The following TAFA4 variants were observed in gnomAD, a reference collection of about 807,000 sequenced individuals.
TAFA4 encodes TAFA chemokine like family member 4.
Under a neutral mutation model 21.1 loss-of-function variants are expected in TAFA4, and 20 were observed. That is an observed-to-expected ratio of 0.95 (90% CI 0.67 to 1.38). TAFA4 has a LOEUF of 1.38. TAFA4 is among the 40% of genes most tolerant of loss of function. TAFA4 has a pLI of 0.00. For synonymous variants in TAFA4, 71 were observed against 67.4 expected (o/e 1.05, Z -0.26); for missense variants, 211 against 180.9 (o/e 1.17, Z -0.95).
intron 3 of TAFA4, among the ~76,000 whole-genome samples, chr3:68,826,416 C>A (rs2071385558): frequency 6.6e-6 from 1 of 151,770 alleles, no homozygotes; most frequent in South Asian, 2.1e-4. Flanking sequence ...ACTAAAAATA[C>A]AAAAAAATTG....
At position 68,866,802 on chromosome 3, in the gene TAFA4, A is replaced by G. The variant is rs151007355; in HGVS notation, c.130+13928T>C. Among the ~76,000 whole-genome samples, 554 of 152,012 alleles carry G rather than the reference A, an allele frequency of 3.6e-3. 3 individuals carry two copies. The highest frequency in any genetic ancestry group is 0.013 in the African/African-American group (538 of 41,540). ...CCACAAAATGCATTAGAAGTTCTCA[A>G]TAGCAGAATGAATAAAACCAGAAAA... On this transcript the variant is annotated intron_variant, in intron 3 of 5. Transcript: ENST00000295569.
chr3:68,757,019 G>A (rs527951176), intron 3 of TAFA4, among the ~76,000 whole-genome samples: 117 of 152,256 alleles, frequency 7.7e-4, no homozygotes, highest in South Asian at 5.2e-3. Context: ...CAGGGGCCAG[G>A]ATGATCCTTT....
At chr3:68,754,085 C>G (rs1199067640) in intron 3 of TAFA4, among the ~76,000 whole-genome samples, 1 of 152,182 alleles carries the variant, frequency 6.6e-6, no homozygotes, top group African/African-American at 2.4e-5. Context: ...TCATGTTTTT[C>G]TAAGCCATTT....
intron 3 of TAFA4, among the ~76,000 whole-genome samples, chr3:68,844,260 C>T (rs1375961927): frequency 6.6e-6 from 1 of 152,006 alleles, no homozygotes; most frequent in Non-Finnish European, 1.5e-5. Flanking sequence ...GTGTATGTGT[C>T]CAGGAATTTA....
chr3:68,893,952 A>T (rs1156855201), intron 1 of TAFA4, among the ~76,000 whole-genome samples: 1 of 152,216 alleles, frequency 6.6e-6, no homozygotes, highest in East Asian at 1.9e-4. Flanking sequence ...CATATTTATA[A>T]ATAGAATGCA....
At chr3:68,740,371 C>A (rs1463773411) in intron 4 of TAFA4, among the ~76,000 whole-genome samples, 2 of 152,204 alleles carry the variant, frequency 1.3e-5, no homozygotes, top group African/African-American at 4.8e-5. Context: ...ATTCATCTCT[C>A]CATGCCATTC....
chr3:68,883,085 G>C (rs1337668777), intron 2 of TAFA4: 2 of 152,284 alleles, frequency 1.3e-5, no homozygotes, highest in Non-Finnish European at 2.9e-5. Flanking sequence ...CACAGTTTCT[G>C]TAAGTCAGGA....
Position 68,732,708 on chromosome 3 carries a change from G to A in TAFA4, c.*434C>T, listed in dbSNP as rs1214542319. On this transcript the variant is annotated 3_prime_UTR_variant, in exon 6 of 6. Coordinates refer to ENST00000295569, the MANE Select transcript of TAFA4 (RefSeq NM_182522.5). ...AATATGTTTTGCCAAAATCTTTTTA[G>A]ACCCCTTTAAAACCACTTTAATACA... The A allele has an allele frequency of 6.3e-6, 1 of 158,720 alleles. No individual in the cohort carries two copies. The highest frequency in any genetic ancestry group is 1.8e-4 in the East Asian group (1 of 5,532). The allele number at this position is 158,720 out of a possible 1,614,324, so 9.8% of individuals were successfully genotyped here.
chr3:68,833,751 GT>G (rs1447866001), intron 3 of TAFA4, among the ~76,000 whole-genome samples: 1 of 152,138 alleles, frequency 6.6e-6, no homozygotes, highest in Non-Finnish European at 1.5e-5. Context: ...TCATGGATAA[GT>G]TTTAAAAATG....
At chr3:68,811,505 G>A (rs1011191053) in intron 3 of TAFA4, among the ~76,000 whole-genome samples, 3 of 152,164 alleles carry the variant, frequency 2.0e-5, no homozygotes, top group African/African-American at 7.2e-5. Context: ...GAAAACCATG[G>A]CACGAGAACT....
intron 1 of TAFA4, among the ~76,000 whole-genome samples, chr3:68,926,004 G>A (rs1204001070): frequency 6.6e-6 from 1 of 152,190 alleles, no homozygotes; most frequent in African/African-American, 2.4e-5. Flanking sequence ...GGCGGAGGCA[G>A]CCAGATTACT....
intron 1 of TAFA4, among the ~76,000 whole-genome samples, chr3:68,923,339 T>C (rs2090077441): frequency 6.6e-6 from 1 of 152,148 alleles, no homozygotes; most frequent in Non-Finnish European, 1.5e-5. Flanking sequence ...TGCCTTCCTT[T>C]GTAATAACTC....
At chr3:68,795,478 C>T (rs1176464960) in intron 3 of TAFA4, among the ~76,000 whole-genome samples, 7 of 152,060 alleles carry the variant, frequency 4.6e-5, no homozygotes, top group African/African-American at 1.4e-4. Flanking sequence ...GATTTAGTCA[C>T]GAGTTATTGA....
intron 3 of TAFA4, among the ~76,000 whole-genome samples, chr3:68,840,109 G>T (rs1232311877): frequency 6.6e-6 from 1 of 152,178 alleles, no homozygotes; most frequent in Non-Finnish European, 1.5e-5. Flanking sequence ...GATGGAGATG[G>T]TGAGACTCAA....
intron 4 of TAFA4, among the ~76,000 whole-genome samples, chr3:68,752,578 C>T (rs1362505904): frequency 1.3e-5 from 2 of 152,128 alleles, no homozygotes; most frequent in Admixed American, 6.5e-5. Context: ...GAAACAATTG[C>T]TTTGGTGAGT....
chr3:68,869,128 G>A (rs2089452922), intron 3 of TAFA4, among the ~76,000 whole-genome samples: 1 of 151,598 alleles, frequency 6.6e-6, no homozygotes, highest in Non-Finnish European at 1.5e-5. Context: ...ATAAATTCCT[G>A]GACACATACA....
At chr3:68,853,653 T>G in intron 3 of TAFA4, among the ~76,000 whole-genome samples, 1 of 152,198 alleles carries the variant, frequency 6.6e-6, no homozygotes, top group East Asian at 1.9e-4. Flanking sequence ...ATATGCCCCC[T>G]TTATTAATTA....
rs547326426 is a variant in TAFA4, at chr3:68,813,828, C to A, written c.131-60810G>T. On this transcript the variant is annotated intron_variant, in intron 3 of 5. Coordinates refer to ENST00000295569, the MANE Select transcript of TAFA4 (RefSeq NM_182522.5). ...CTAACTCATTTTATGAGGACAGCAT[C>A]ATCCTGATACCAAAGCCTGGCAGAG... Among the ~76,000 whole-genome samples the A allele has an allele frequency of 2.3e-3, 350 of 152,230 alleles. 1 individual carries two copies. Among genetic ancestry groups the A allele is most frequent in the Non-Finnish European group, 3.9e-3 (266 of 68,020 alleles).
chr3:68,819,274 T>TAAAAAA (rs59090610), intron 3 of TAFA4, among the ~76,000 whole-genome samples: 4 of 109,332 alleles, frequency 3.7e-5, no homozygotes, highest in Non-Finnish European at 5.9e-5. Context: ...TGTCTTTAAT[T>TAAAAAA]AAAAAAAAAA....
Sources: allele counts gnomAD v4.1 joint callset (sites outside exome capture counted in the v4.1 genomes callset), GRCh38; gene constraint gnomAD v4.1.1; transcripts MANE v1.5; gene names NCBI Gene and HGNC (gene_info 2026-07-23, HGNC 2026-07-21).